HHLA1: variants seen among roughly 807,000 people sequenced by gnomAD.
The protein encoded by HHLA1 is HHLA1 neighbor of OC90, also known as HERV-H LTR-associating protein 1.
HHLA1 carries 72 observed loss-of-function variants against 69.9 expected under a neutral mutation model. The ratio of observed to expected loss-of-function variants is 1.03; its 90% confidence interval spans 0.85 to 1.25. The LOEUF (loss-of-function observed/expected upper bound fraction) is 1.25. Ranked by LOEUF, HHLA1 falls within the 50% of genes most tolerant of loss-of-function variation. The pLI is 0.00. For missense variants in HHLA1, 685 were observed against 642.2 expected, an observed-to-expected ratio of 1.07 and a Z score of -0.72; for synonymous variants, 252 against 233.2, an observed-to-expected ratio of 1.08 and a Z score of -0.73.
At chr8:132,064,337 G>A (rs191037322) in intron 16 of HHLA1, among the ~76,000 whole-genome samples, 31 of 152,294 alleles carry the variant, frequency 2.0e-4, no homozygotes, top group African/African-American at 7.0e-4. Flanking sequence ...GAGCTTGCAC[G>A]AGGCTAATTT....
At chr8:132,066,856 T>G (rs1286695489) in intron 15 of HHLA1, among the ~76,000 whole-genome samples, 2 of 152,204 alleles carry the variant, frequency 1.3e-5, no homozygotes, top group Admixed American at 1.3e-4. Context: ...GTGGTAGTAT[T>G]GGATTTTAAC....
At chr8:132,095,374 C>A in intron 7 of HHLA1, 145 bp downstream of exon 7, 1 of 505,220 alleles carries the variant, frequency 2.0e-6, no homozygotes, top group Non-Finnish European at 3.5e-6. Context: ...AACTGTTTTT[C>A]ACTGGGATAA....
rs2130871462 is a variant in HHLA1, at chr8:132,063,626, G to A, written c.*369C>T. The A allele has an allele frequency of 6.4e-6, 1 of 156,276 alleles. No homozygotes were observed. The highest frequency in any genetic ancestry group is 6.2e-5 in the Admixed American group (1 of 16,004). 9.7% of individuals were successfully genotyped at this position (156,276 alleles called of 1,614,324 possible). On this transcript the variant is annotated 3_prime_UTR_variant, in exon 17 of 17. Coordinates refer to ENST00000414222, the MANE Select transcript of HHLA1 (RefSeq NM_001145095.3). The stretch of plus-strand genomic sequence containing the variant: ...GTATTGTGTCAGAGTCTCCATGGCT[G>A]AACTGGTTTGTGCAGGCTAGAGTGC...
intron 10 of HHLA1, chr8:132,080,246 G>A (rs1195992804): frequency 2.3e-5 from 11 of 484,828 alleles, no homozygotes; most frequent in South Asian, 1.2e-4. Context: ...TTTCATGTGC[G>A]TCCGTGTGAA....
At chr8:132,092,609 T>C (rs1383285107) in intron 7 of HHLA1, among the ~76,000 whole-genome samples, 2 of 152,136 alleles carry the variant, frequency 1.3e-5, no homozygotes, top group Non-Finnish European at 2.9e-5. Flanking sequence ...GCTCTAGTCA[T>C]GTAAGATCTG....
intron 7 of HHLA1, 119 bp downstream of exon 7, chr8:132,095,400 T>A: frequency 3.2e-6 from 2 of 622,144 alleles, no homozygotes; most frequent in South Asian, 4.5e-5. Context: ...GAGCACATGG[T>A]TAAGGGTAGT....
chr8:132,109,682 G>T (rs1231273032), intron 1 of HHLA1, among the ~76,000 whole-genome samples: 1 of 152,180 alleles, frequency 6.6e-6, no homozygotes, highest in African/African-American at 2.4e-5. Context: ...CCAGTCACAT[G>T]ATTTCTAAGC....
rs1221813513 is a variant in HHLA1 at position 132,073,237 on chromosome 8, C to A, written c.1316-1744G>T. Among the ~76,000 whole-genome samples, 17 of 152,126 alleles carry A rather than the reference C, an allele frequency of 1.1e-4. 1 individual carries two copies. Among genetic ancestry groups the A allele is most frequent in the Non-Finnish European group, 8.8e-5 (6 of 68,022 alleles). On this transcript the variant is annotated intron_variant, in intron 14 of 16. Transcript: ENST00000414222. ...CATGTAATTCTCCCACCTCAGCCTC[C>A]CAAAGTGCTGGAATTACAGGTGTAA...
intron 15 of HHLA1, among the ~76,000 whole-genome samples, chr8:132,070,670 G>T (rs934233253): frequency 6.9e-6 from 1 of 144,518 alleles, no homozygotes. Context: ...TCTCATCACG[G>T]CTAAACTCAT....
intron 3 of HHLA1, among the ~76,000 whole-genome samples, chr8:132,102,347 C>T (rs956481439): frequency 1.3e-5 from 2 of 152,340 alleles, no homozygotes; most frequent in East Asian, 3.9e-4. Context: ...TTGCCAATTG[C>T]CAAGCTTTTT....
Position 132,104,028 on chromosome 8 carries a change from T to A in HHLA1, c.139+80A>T, listed in dbSNP as rs763030347. ...GCGGATATAATCGCTGTCTTATCAGTAGAGAAAGTCAGGCTTGGGGAAGTC... is the reference window on the plus strand; with the variant it reads ...GCGGATATAATCGCTGTCTTATCAGAAGAGAAAGTCAGGCTTGGGGAAGTC... On this transcript the variant is annotated intron_variant, in intron 3 of 16. Transcript: ENST00000414222. 9 of 912,676 alleles carry A rather than the reference T, an allele frequency of 9.9e-6. No homozygotes were observed. The African/African-American group carries it at 1.5e-4, about 15-fold the overall frequency. The allele number at this position is 912,676 out of a possible 1,614,324, so 56.5% of individuals were successfully genotyped here.
At position 132,063,444 on chromosome 8, in the gene HHLA1, G is replaced by A. The variant is rs1586720980; in HGVS notation, c.*551C>T. On this transcript the variant is annotated 3_prime_UTR_variant, in exon 17 of 17. Coordinates refer to ENST00000414222, the MANE Select transcript of HHLA1 (RefSeq NM_001145095.3). ...TTTTCATTATCGCCCACTTAAGGGG[G>A]CTTGGAAGATTATATAGATCCCATA... 6.6e-6 allele frequency: 1 copy of A among 152,218 alleles called. No individual in the cohort carries two copies. The highest frequency in any genetic ancestry group is 1.5e-5 in the Non-Finnish European group (1 of 68,060). The allele number at this position is 152,218 out of a possible 1,614,324, so 9.4% of individuals were successfully genotyped here.
chr8:132,100,997 G>T (rs997406206), intron 3 of HHLA1, among the ~76,000 whole-genome samples: 2 of 152,176 alleles, frequency 1.3e-5, no homozygotes, highest in African/African-American at 4.8e-5. Flanking sequence ...TAAATTAAAT[G>T]AGACAAGCAA....
chr8:132,071,988 G>A (rs1239515906), intron 14 of HHLA1, among the ~76,000 whole-genome samples: 1 of 151,828 alleles, frequency 6.6e-6, no homozygotes, highest in East Asian at 1.9e-4. Flanking sequence ...GTGTTTGCCT[G>A]TGTGTGTGTG....
intron 3 of HHLA1, among the ~76,000 whole-genome samples, chr8:132,102,438 A>G (rs938666092): frequency 1.3e-5 from 2 of 152,214 alleles, no homozygotes; most frequent in African/African-American, 4.8e-5. Flanking sequence ...ACTGGAGGCA[A>G]CGGGCTTATG....
At chr8:132,065,533 T>C (rs191326677) in intron 16 of HHLA1, among the ~76,000 whole-genome samples, 3 of 152,282 alleles carry the variant, frequency 2.0e-5, no homozygotes, top group Non-Finnish European at 2.9e-5. Context: ...CCGCCCGCCT[T>C]GGCCTCCCAA....
intron 16 of HHLA1, among the ~76,000 whole-genome samples, 172 bp from the exon 17 acceptor site, chr8:132,064,210 ACT>A (rs1415461773): frequency 6.6e-6 from 1 of 152,094 alleles, no homozygotes; most frequent in African/African-American, 2.4e-5. Flanking sequence ...GGTGGAAAAG[ACT>A]CATGCAAGAC....
rs1375045503 is a variant in HHLA1, at chr8:132,100,110, C to T, written c.164G>A (p.Arg55Lys). The T allele has an allele frequency of 1.3e-6, 2 of 1,551,296 alleles. No homozygotes were observed. Among genetic ancestry groups the T allele is most frequent in the South Asian group, 2.4e-5 (2 of 84,050 alleles). Reference sequence around the variant, plus strand: ...AAGAAATGCCACCCCCTTCTCCTTCCTCTCTTCTTCTCTAAGGCCAGACAC... The same window carrying T: ...AAGAAATGCCACCCCCTTCTCCTTCTTCTCTTCTTCTCTAAGGCCAGACAC... The part of the protein sequence containing the change: ...TTVSGLREEE[R>K]KEKGVAFLAT... The change falls in exon 4 of 17, where the codon AGG becomes AAG. Residue 55 changes from arginine to lysine, a missense_variant. By Grantham distance (26) the Arg-to-Lys change is conservative. Transcript: ENST00000414222.
intron 14 of HHLA1, among the ~76,000 whole-genome samples, chr8:132,073,977 G>A (rs1357421660): frequency 6.6e-6 from 1 of 152,142 alleles, no homozygotes; most frequent in East Asian, 1.9e-4. Context: ...CCATTCTGCA[G>A]TCAGAGGAAC....
Sources: allele counts gnomAD v4.1 joint callset (sites outside exome capture counted in the v4.1 genomes callset), GRCh38; gene constraint gnomAD v4.1.1; transcripts MANE v1.5; gene names NCBI Gene and HGNC (gene_info 2026-07-23, HGNC 2026-07-21).